ASTN2: variants seen among roughly 807,000 people sequenced by gnomAD.
ASTN2 encodes astrotactin-2.
A neutral mutation model predicts 139.8 loss-of-function variants in ASTN2; 54 were observed. The observed-to-expected ratio is 0.39, with a 90% CI of 0.31 to 0.48. The LOEUF (loss-of-function observed/expected upper bound fraction) is 0.48, where lower values mean the gene tolerates loss of function less well. Among genes scored for constraint, ASTN2 ranks in the 20% least tolerant of loss-of-function variants. ASTN2 has a pLI of 0.95. For missense variants in ASTN2, 1,565 were observed against 1,725.1 expected (o/e 0.91, Z 1.64); for synonymous variants, 756 against 719.5 (o/e 1.05, Z -0.81).
At chr9:117,159,580 A>G (rs546251441) in intron 3 of ASTN2, among the ~76,000 whole-genome samples, 2 of 152,196 alleles carry the variant, frequency 1.3e-5, no homozygotes, top group Admixed American at 6.5e-5. Context: ...GCATCAATTC[A>G]TTATTGAGTT....
In ASTN2 at chr9:116,618,476, C is replaced by T; in HGVS notation, c.3207-4G>A. 2 of 1,602,328 alleles carry T rather than the reference C, an allele frequency of 1.2e-6. No homozygotes were observed. The highest frequency in any genetic ancestry group is 2.2e-5 in the East Asian group (1 of 44,564). ...CACTGTTGGGGACAGCCGCAGCCTA[C>T]AGGGAATAAAAAGGAAGATTCGTGT... On this transcript the variant is annotated splice_polypyrimidine_tract_variant and splice_region_variant and intron_variant, in intron 18 of 22. Transcript: ENST00000313400.
intron 2 of ASTN2, among the ~76,000 whole-genome samples, chr9:117,229,505 G>A (rs1832823194): frequency 6.6e-6 from 1 of 152,190 alleles, no homozygotes; most frequent in African/African-American, 2.4e-5. Context: ...GTATCCTTAA[G>A]TGGTCAGCGA....
At chr9:116,571,786 T>C (rs1440007383) in intron 19 of ASTN2, among the ~76,000 whole-genome samples, 2 of 152,134 alleles carry the variant, frequency 1.3e-5, no homozygotes, top group African/African-American at 4.8e-5. Flanking sequence ...GTGTTGTGGA[T>C]CTACTGTATG....
intron 19 of ASTN2, among the ~76,000 whole-genome samples, chr9:116,515,368 G>T (rs1229543285): frequency 6.6e-6 from 1 of 152,164 alleles, no homozygotes; most frequent in Non-Finnish European, 1.5e-5. Context: ...GTGCTGAAGA[G>T]CTTCTAAGAA....
intron 17 of ASTN2, among the ~76,000 whole-genome samples, chr9:116,632,832 C>T (rs902533692): frequency 2.0e-5 from 3 of 152,218 alleles, no homozygotes; most frequent in African/African-American, 7.2e-5. Flanking sequence ...AGTGGACTTA[C>T]CACATTTTAT....
intron 3 of ASTN2, among the ~76,000 whole-genome samples, chr9:117,161,228 T>TA (rs1473426745): frequency 6.6e-6 from 1 of 151,934 alleles, no homozygotes; most frequent in African/African-American, 2.4e-5. Flanking sequence ...AGCATTCTCT[T>TA]ACCATGTTGT....
intron 10 of ASTN2, among the ~76,000 whole-genome samples, chr9:116,881,788 C>T (rs895863124): frequency 1.3e-5 from 2 of 152,130 alleles, no homozygotes; most frequent in African/African-American, 2.4e-5. Context: ...AGCAACAGGC[C>T]GTGTTCAATC....
intron 17 of ASTN2, among the ~76,000 whole-genome samples, chr9:116,651,320 A>G (rs1244921925): frequency 1.3e-5 from 2 of 152,204 alleles, no homozygotes; most frequent in Non-Finnish European, 2.9e-5. Context: ...AGCCACTGAG[A>G]TTTAAGGGTT....
Position 116,817,499 on chromosome 9 carries a change from G to T in ASTN2, c.2207+3118C>A, listed in dbSNP as rs547560275. Among the ~76,000 whole-genome samples, 137 of 152,204 alleles carry T rather than the reference G, an allele frequency of 9.0e-4. 2 individuals carry two copies. In the South Asian group the frequency reaches 0.026, roughly 29 times the overall value. ...AAAGGAGAAAGAGACAGGAGACAGA[G>T]GGAACAGTGTTGTGAAAACTCCAGA... On this transcript the variant is annotated intron_variant, in intron 12 of 22. Transcript: ENST00000313400.
rs868599668 is a variant in ASTN2 at position 117,414,077 on chromosome 9, C to T, written c.442+420G>A. ...AGAACCCGCAACTCCGAGGCGAGAG[C>T]GAGGGGGCGGTGACGGCGGGTGGCC... On this transcript the variant is annotated intron_variant, in intron 1 of 22. Coordinates refer to ENST00000313400, the MANE Select transcript of ASTN2 (RefSeq NM_001365068.1). This position sits in a 1 kb window ranked among gnomAD's most constrained non-coding sequence, Gnocchi z 4.2. 7.2e-5 allele frequency among the ~76,000 whole-genome samples: 11 copies of T among 152,140 alleles called. No individual in the cohort carries two copies. Among genetic ancestry groups the T allele is most frequent in the African/African-American group, 2.7e-4 (11 of 41,440 alleles).
At chr9:117,371,635 T>C (rs886653967) in intron 1 of ASTN2, among the ~76,000 whole-genome samples, 17 of 152,162 alleles carry the variant, frequency 1.1e-4, no homozygotes, top group Admixed American at 8.5e-4. Flanking sequence ...AAAGTCAGAA[T>C]AGAGTCACAT....
At chr9:117,289,151 C>T (rs899420069) in intron 2 of ASTN2, among the ~76,000 whole-genome samples, 4 of 152,120 alleles carry the variant, frequency 2.6e-5, no homozygotes, top group Middle Eastern at 3.2e-3. Flanking sequence ...TCAGTGTCTC[C>T]AAGACATGAC....
At chr9:116,791,820 A>G (rs1830568172) in intron 13 of ASTN2, among the ~76,000 whole-genome samples, 1 of 152,190 alleles carries the variant, frequency 6.6e-6, no homozygotes, top group Non-Finnish European at 1.5e-5. Context: ...TTCCCCTTCT[A>G]GAAAAAGAAC....
chr9:117,225,746 G>T (rs1832693460), intron 2 of ASTN2, among the ~76,000 whole-genome samples: 1 of 151,192 alleles, frequency 6.6e-6, no homozygotes, highest in African/African-American at 2.4e-5. Context: ...AGTTTTCACA[G>T]CTCTAATACA....
intron 2 of ASTN2, among the ~76,000 whole-genome samples, chr9:117,280,551 C>T (rs1279138331): frequency 6.6e-6 from 1 of 152,076 alleles, no homozygotes; most frequent in East Asian, 1.9e-4. Context: ...AATTAGCGTT[C>T]AATAGCCCAA....
At chr9:117,127,685 T>G (rs1587993404) in intron 4 of ASTN2, among the ~76,000 whole-genome samples, 2 of 133,830 alleles carry the variant, frequency 1.5e-5, no homozygotes, top group South Asian at 2.6e-4. Flanking sequence ...TTTTTTTTTT[T>G]TTTTTTTTTT....
At chr9:116,962,776 C>A (rs1835907077) in intron 10 of ASTN2, among the ~76,000 whole-genome samples, 1 of 152,084 alleles carries the variant, frequency 6.6e-6, no homozygotes, top group African/African-American at 2.4e-5. Context: ...TAATATAATA[C>A]AATAGGCACT....
At chr9:116,900,360 A>T (rs1487925482) in intron 10 of ASTN2, among the ~76,000 whole-genome samples, 1 of 152,128 alleles carries the variant, frequency 6.6e-6, no homozygotes, top group African/African-American at 2.4e-5. Flanking sequence ...GAAGGACATG[A>T]CAGAGAAGGG....
At chr9:117,073,712 A>T (rs1828197377) in intron 5 of ASTN2, among the ~76,000 whole-genome samples, 1 of 152,116 alleles carries the variant, frequency 6.6e-6, no homozygotes, top group African/African-American at 2.4e-5. Context: ...TATGTCGACA[A>T]CCACTGGGGG....
Sources: allele counts gnomAD v4.1 joint callset (sites outside exome capture counted in the v4.1 genomes callset), GRCh38; gene constraint gnomAD v4.1.1; non-coding constraint Gnocchi (gnomAD v3.1); transcripts MANE v1.5; gene names NCBI Gene and HGNC (gene_info 2026-07-23, HGNC 2026-07-21).